The following SERGEF variants were observed in gnomAD, a reference collection of about 807,000 sequenced individuals.
SERGEF encodes the protein secretion regulating guanine nucleotide exchange factor, also known as secretion-regulating guanine nucleotide exchange factor.
A neutral mutation model predicts 50.0 loss-of-function variants in SERGEF; 51 were observed. That is an observed-to-expected ratio of 1.02 (90% CI 0.81 to 1.29). The LOEUF is 1.29. Ranked by LOEUF, SERGEF falls within the 50% of genes most tolerant of loss-of-function variation. SERGEF has a pLI of 0.00. For synonymous variants in SERGEF, 205 were observed against 212.4 expected, an observed-to-expected ratio of 0.97 and a Z score of 0.30; for missense variants, 521 against 557.0, an observed-to-expected ratio of 0.94 and a Z score of 0.65.
chr11:17,955,463 T>G (rs1355003807), intron 9 of SERGEF, among the ~76,000 whole-genome samples: 1 of 152,126 alleles, frequency 6.6e-6, no homozygotes, highest in Non-Finnish European at 1.5e-5. Context: ...GAGGTAAATG[T>G]CAGAAAGATC....
chr11:17,851,202 C>T (rs2237939), intron 10 of SERGEF, among the ~76,000 whole-genome samples: 34,374 of 151,940 alleles, frequency 0.23, 4,017 homozygotes, highest in East Asian at 0.35. Flanking sequence ...TCCTGTGAGA[C>T]GGGTGCTATT....
intron 9 of SERGEF, among the ~76,000 whole-genome samples, chr11:17,949,719 C>T (rs541973746): frequency 2.4e-4 from 36 of 152,164 alleles, no homozygotes; most frequent in African/African-American, 7.9e-4. Context: ...CAGGCCTAAA[C>T]CCAAGGGCAG....
chr11:17,860,280 G>A (rs1850903223), intron 10 of SERGEF, among the ~76,000 whole-genome samples: 1 of 152,172 alleles, frequency 6.6e-6, no homozygotes, highest in Non-Finnish European at 1.5e-5. Flanking sequence ...GAAAAGAAAA[G>A]TATAGCATAG....
intron 10 of SERGEF, among the ~76,000 whole-genome samples, chr11:17,864,385 T>G (rs1487814038): frequency 6.6e-6 from 1 of 152,192 alleles, no homozygotes; most frequent in Non-Finnish European, 1.5e-5. Context: ...ATGTCGCTTC[T>G]TTAGGAACAG....
intron 9 of SERGEF, among the ~76,000 whole-genome samples, chr11:17,927,189 C>T (rs1247789759): frequency 6.6e-6 from 1 of 152,188 alleles, no homozygotes; most frequent in Non-Finnish European, 1.5e-5. Context: ...AGGGTTAACC[C>T]ACACTAGAGA....
Position 17,967,158 on chromosome 11 carries a change from C to A in SERGEF, c.845-7522G>T, listed in dbSNP as rs147343044. Among the ~76,000 whole-genome samples, 478 of 152,268 alleles carry A rather than the reference C, an allele frequency of 3.1e-3. 1 individual carries two copies. Among genetic ancestry groups the A allele is most frequent in the African/African-American group, 0.011 (443 of 41,538 alleles). On this transcript the variant is annotated intron_variant, in intron 8 of 10. Coordinates refer to ENST00000265965, the MANE Select transcript of SERGEF (RefSeq NM_012139.4). ...CTCAAATTATAGATGAAAATATTAACGCATAGAGAGAGGTTATGTCTCTGG... is the reference window on the plus strand; with the variant it reads ...CTCAAATTATAGATGAAAATATTAAAGCATAGAGAGAGGTTATGTCTCTGG...
At chr11:17,793,114 T>C (rs1268001289) in intron 10 of SERGEF, among the ~76,000 whole-genome samples, 1 of 152,072 alleles carries the variant, frequency 6.6e-6, no homozygotes, top group East Asian at 1.9e-4. Flanking sequence ...GGAGGAGCAA[T>C]GCCCCAGCAC....
At chr11:17,837,008 T>C (rs1396971015) in intron 10 of SERGEF, among the ~76,000 whole-genome samples, 1 of 152,096 alleles carries the variant, frequency 6.6e-6, no homozygotes, top group African/African-American at 2.4e-5. Flanking sequence ...ATAGCTCCCC[T>C]TTTCACTTCT....
intron 8 of SERGEF, among the ~76,000 whole-genome samples, chr11:17,972,537 T>C (rs1479716153): frequency 6.6e-6 from 1 of 152,226 alleles, no homozygotes; most frequent in East Asian, 1.9e-4. Context: ...TACACTGTTT[T>C]ATAGAGATAA....
chr11:17,942,967 T>C (rs1287334218), intron 9 of SERGEF, among the ~76,000 whole-genome samples: 4 of 152,170 alleles, frequency 2.6e-5, no homozygotes, highest in African/African-American at 9.6e-5. Context: ...TGATATATTA[T>C]CCTTTTTAAA....
At chr11:17,845,818 C>T (rs1334846054) in intron 10 of SERGEF, among the ~76,000 whole-genome samples, 2 of 152,094 alleles carry the variant, frequency 1.3e-5, no homozygotes, top group Non-Finnish European at 2.9e-5. Flanking sequence ...CAGAGAGGGC[C>T]CACTTCCAGG....
intron 9 of SERGEF, among the ~76,000 whole-genome samples, chr11:17,908,874 A>G (rs1851899872): frequency 6.6e-6 from 1 of 152,242 alleles, no homozygotes; most frequent in East Asian, 1.9e-4. Context: ...AGGGAAATGG[A>G]TAGGGTTCCG....
intron 9 of SERGEF, among the ~76,000 whole-genome samples, chr11:17,941,615 C>A (rs1303939689): frequency 6.6e-6 from 1 of 152,120 alleles, no homozygotes; most frequent in African/African-American, 2.4e-5. Context: ...TATATCTTCA[C>A]GATTCTGCTT....
At chr11:17,911,380 AAT>A (rs1227576819) in intron 9 of SERGEF, among the ~76,000 whole-genome samples, 1 of 147,314 alleles carries the variant, frequency 6.8e-6, no homozygotes, top group African/African-American at 2.5e-5. Flanking sequence ...ATATATATAA[AAT>A]ATATATACAC....
chr11:17,940,145 G>A lies in SERGEF; in HGVS notation c.1011+19325C>T, dbSNP rs537876916. Among the ~76,000 whole-genome samples, 22 of 152,258 alleles carry A rather than the reference G, an allele frequency of 1.4e-4. No homozygotes were observed. The South Asian group carries it at 4.6e-3, about 32-fold the overall frequency. ...GGAAGAGGTCTAGCAAATGAACTGA[G>A]TCCAGTATGGTGGGTTCAACAGGGA... On this transcript the variant is annotated intron_variant, in intron 9 of 10. Transcript: ENST00000265965.
chr11:17,894,606 G>A (rs1307976796), intron 9 of SERGEF, among the ~76,000 whole-genome samples: 1 of 152,130 alleles, frequency 6.6e-6, no homozygotes, highest in Non-Finnish European at 1.5e-5. Flanking sequence ...TATCCCCAGT[G>A]GCTTGCACAG....
At chr11:17,943,718 C>G (rs1852602449) in intron 9 of SERGEF, among the ~76,000 whole-genome samples, 1 of 152,152 alleles carries the variant, frequency 6.6e-6, no homozygotes, top group Admixed American at 6.6e-5. Context: ...CAAAGTACTG[C>G]TTTAGCTGCA....
chr11:17,889,397 C>T (rs189974193), intron 9 of SERGEF, among the ~76,000 whole-genome samples: 1 of 152,308 alleles, frequency 6.6e-6, no homozygotes, highest in Non-Finnish European at 1.5e-5. Context: ...GACACAACAT[C>T]ACTTATTTAG....
chr11:18,000,441 C>A, intron 5 of SERGEF, 56 bp downstream of exon 5: 1 of 1,192,228 alleles, frequency 8.4e-7, no homozygotes, highest in South Asian at 1.4e-5. Context: ...AGAGTGAGAC[C>A]CCATCTCTAA....
Sources: gnomAD v4.1 joint callset for allele counts (sites outside exome capture counted in the v4.1 genomes callset) on GRCh38, gnomAD v4.1.1 for gene constraint, MANE v1.5 for transcripts, NCBI Gene and HGNC (gene_info 2026-07-23, HGNC 2026-07-21) for gene names.